Variants in CASK observed in about 807,000 individuals in gnomAD.
The protein encoded by CASK is calcium/calmodulin dependent serine protein kinase.
In CASK, 4 loss-of-function variants were observed where a neutral mutation model predicts 82.9. That is an observed-to-expected ratio of 0.05 (90% CI 0.02 to 0.11). The LOEUF (loss-of-function observed/expected upper bound fraction) is 0.11, where lower values mean the gene tolerates loss of function less well. CASK is among the 10% of genes least tolerant of loss of function. The pLI is 1.00. For missense variants in CASK, 358 were observed against 720.9 expected (o/e 0.50, Z 5.76); for synonymous variants, 259 against 253.5 (o/e 1.02, Z -0.20).
Position 41,923,175 on chromosome X carries a change from C to T in CASK, c.-187G>A. On this transcript the variant is annotated 5_prime_UTR_variant, in exon 1 of 27. Coordinates refer to ENST00000378163, the MANE Select transcript of CASK (RefSeq NM_001367721.1). ...GGCGCCTTCCTCTGCAGGCGACCGCCCCGGCGCGGGCGGCGGGGCCGGGGC... is the reference window on the plus strand; with the variant it reads ...GGCGCCTTCCTCTGCAGGCGACCGCTCCGGCGCGGGCGGCGGGGCCGGGGC... 1 of 184,504 alleles carries T rather than the reference C, an allele frequency of 5.4e-6. No homozygotes were observed. The highest frequency in any genetic ancestry group is 1.0e-5 in the Non-Finnish European group (1 of 100,255). 15.2% of individuals were successfully genotyped at this position (184,504 alleles called of 1,213,427 possible). A position where few individuals can be genotyped will look rare whatever the true frequency, so the allele number is the denominator to read the frequency against.
At chrX:41,811,174 G>A (rs1468589377) in intron 2 of CASK, among the ~76,000 whole-genome samples, 7 of 111,322 alleles carry the variant, frequency 6.3e-5, no homozygotes, top group African/African-American at 2.3e-4. Context: ...ACAGATAAAC[G>A]AGACAGAAAG....
intron 24 of CASK, among the ~76,000 whole-genome samples, chrX:41,532,408 T>C (rs1344262322): frequency 1.8e-5 from 2 of 112,224 alleles, no homozygotes; most frequent in African/African-American, 6.5e-5. Flanking sequence ...AGAAAAGGCT[T>C]GCCCACCCCT....
intron 2 of CASK, among the ~76,000 whole-genome samples, chrX:41,842,867 T>C (rs2071072842): frequency 8.9e-6 from 1 of 112,109 alleles, no homozygotes; most frequent in Non-Finnish European, 1.9e-5. Context: ...GTTTTCCATT[T>C]ATTAGCCTTG....
At chrX:41,648,947 A>G (rs1190724684) in intron 8 of CASK, among the ~76,000 whole-genome samples, 7 of 111,482 alleles carry the variant, frequency 6.3e-5, no homozygotes, top group African/African-American at 2.0e-4. Context: ...TTATTGGTCT[A>G]TTCAGGGATT....
In CASK at chrX:41,745,394, A is replaced by G; in HGVS notation, c.356+130T>C. ...GTGACTATCGGTTCTACTAACACAT[A>G]CTAAAACAGAGATGTTCCCTGTAGC... On this transcript the variant is annotated intron_variant, in intron 4 of 26. Transcript: ENST00000378163. 9.4e-6 allele frequency: 5 copies of G among 533,635 alleles called. No individual in the cohort carries two copies. The South Asian group carries it at 1.0e-4, about 11-fold the overall frequency. 44.0% of individuals were successfully genotyped at this position (533,635 alleles called of 1,213,427 possible). A position where few individuals can be genotyped will look rare whatever the true frequency, so the allele number is the denominator to read the frequency against.
intron 15 of CASK, among the ~76,000 whole-genome samples, chrX:41,570,010 C>CTTTTTTTTTTTT (rs397937722): frequency 4.6e-3 from 327 of 70,520 alleles, no homozygotes; most frequent in Non-Finnish European, 5.2e-3. Context: ...TTTCTTTTTT[C>CTTTTTTTTTTTT]TTTTTTTTTT....
At chrX:41,659,914 C>T (rs759816034) in intron 8 of CASK, among the ~76,000 whole-genome samples, 26 of 107,132 alleles carry the variant, frequency 2.4e-4, no homozygotes, top group Non-Finnish European at 3.6e-4. Context: ...GTGGGAGGAT[C>T]GATTGAGCCC....
At chrX:41,806,788 A>G (rs1009896929) in intron 2 of CASK, among the ~76,000 whole-genome samples, 4 of 112,182 alleles carry the variant, frequency 3.6e-5, no homozygotes, top group African/African-American at 9.7e-5. Flanking sequence ...ATGTGTGTGT[A>G]TGTATGTGTA....
At chrX:41,529,029 G>A (rs767679859) in intron 25 of CASK, among the ~76,000 whole-genome samples, 9 of 112,640 alleles carry the variant, frequency 8.0e-5, no homozygotes, top group South Asian at 3.7e-4. Flanking sequence ...AGGAGGAGCA[G>A]GACCTGGGCA....
At chrX:41,741,962 C>T (rs2068603728) in intron 4 of CASK, among the ~76,000 whole-genome samples, 1 of 111,808 alleles carries the variant, frequency 8.9e-6, no homozygotes, top group African/African-American at 3.2e-5. Context: ...AGCTGGCCAG[C>T]AATGCATTTA....
chrX:41,708,844 G>A (rs1027727297), intron 5 of CASK, among the ~76,000 whole-genome samples: 6 of 111,031 alleles, frequency 5.4e-5, no homozygotes, highest in Non-Finnish European at 7.5e-5. Context: ...AAAATTTAAC[G>A]CAGGTTTCTT....
chrX:41,797,642 C>T (rs2069890414), intron 2 of CASK, among the ~76,000 whole-genome samples: 1 of 111,826 alleles, frequency 8.9e-6, no homozygotes, highest in South Asian at 3.7e-4. Context: ...GCAAGACAGT[C>T]ATCATCACAT....
intron 5 of CASK, among the ~76,000 whole-genome samples, chrX:41,718,536 T>C (rs749203717): frequency 1.4e-4 from 16 of 111,463 alleles, no homozygotes; most frequent in Admixed American, 1.2e-3. Context: ...ACAGCTGGTG[T>C]CCACTGAATT....
intron 22 of CASK, among the ~76,000 whole-genome samples, chrX:41,541,988 C>T (rs2064951816): frequency 8.9e-6 from 1 of 112,052 alleles, no homozygotes; most frequent in Non-Finnish European, 1.9e-5. Context: ...TCTGGGGATT[C>T]TATTGCAACA....
rs980333256 is a variant in CASK at position 41,858,887 on chromosome X, T to G, written c.60-5660A>C. 4.6e-5 allele frequency among the ~76,000 whole-genome samples: 5 copies of G among 108,693 alleles called. 1 individual carries two copies. The highest frequency in any genetic ancestry group is 9.4e-3 in the Middle Eastern group (2 of 212). 94.4% of individuals were successfully genotyped at this position (108,693 alleles called of 115,157 possible). A position where few individuals can be genotyped will look rare whatever the true frequency, so the allele number is the denominator to read the frequency against. On this transcript the variant is annotated intron_variant, in intron 1 of 26. Coordinates refer to ENST00000378163, the MANE Select transcript of CASK (RefSeq NM_001367721.1). ...GGATAGTGGTTTGAGGGGGAGGGGG[T>G]TGTGATTGGGGAGGAGCACAAAGGG...
intron 24 of CASK, 102 bp from the exon 25 acceptor site, chrX:41,531,311 G>A (rs2064800624): frequency 1.5e-6 from 1 of 687,597 alleles, no homozygotes; most frequent in African/African-American, 2.1e-5. Flanking sequence ...AAAAGCTGTG[G>A]ATTCTTTAGC....
chrX:41,875,605 G>T (rs1230764223), intron 1 of CASK, among the ~76,000 whole-genome samples: 1 of 110,726 alleles, frequency 9.0e-6, no homozygotes. Context: ...GACTGTAGGG[G>T]ACTGCATTTT....
In CASK at chrX:41,562,536, T is replaced by C. The variant is rs917066172; in HGVS notation, c.1583-892A>G. 4.5e-5 allele frequency: 5 copies of C among 112,115 alleles called. No homozygotes were observed. In the East Asian group the frequency reaches 1.4e-3, roughly 31 times the overall value. The allele number at this position is 112,115 out of a possible 1,213,427, so 9.2% of individuals were successfully genotyped here. On this transcript the variant is annotated intron_variant, in intron 16 of 26. Transcript: ENST00000378163. ...AAATGGTGTCATACAGACTACATTC[T>C]CTGACCACAATGTAATTAAGTTAGA...
chrX:41,809,175 C>A (rs915944331), intron 2 of CASK, among the ~76,000 whole-genome samples: 7 of 112,408 alleles, frequency 6.2e-5, no homozygotes, highest in Non-Finnish European at 9.4e-5. Flanking sequence ...AGGGTATAGA[C>A]AAACGAAAGG....
Sources: allele counts gnomAD v4.1 joint callset (sites outside exome capture counted in the v4.1 genomes callset), GRCh38; gene constraint gnomAD v4.1.1; transcripts MANE v1.5; gene names NCBI Gene and HGNC (gene_info 2026-07-23, HGNC 2026-07-21).